BABAM2: variants seen among roughly 807,000 people sequenced by gnomAD.
The protein encoded by BABAM2 is BRISC and BRCA1 A complex member 2.
In BABAM2, 31 loss-of-function variants were observed where a neutral mutation model predicts 54.7. The ratio of observed to expected loss-of-function variants is 0.57; its 90% confidence interval spans 0.43 to 0.77. The LOEUF is 0.77. Ranked by LOEUF, BABAM2 falls within the 30% of genes least tolerant of loss-of-function variation. BABAM2 has a pLI of 0.00. For synonymous variants in BABAM2, 167 were observed against 162.9 expected, an observed-to-expected ratio of 1.03 and a Z score of -0.19; for missense variants, 364 against 455.8, an observed-to-expected ratio of 0.80 and a Z score of 1.83.
intron 6 of BABAM2, among the ~76,000 whole-genome samples, chr2:28,101,842 TC>T (rs77252308): frequency 0.33 from 49,891 of 151,988 alleles, 8,479 homozygotes; most frequent in South Asian, 0.52. Flanking sequence ...GGCAGTTCAA[TC>T]CCCTTGTAAG....
chr2:28,168,160 G>C (rs76920234), intron 7 of BABAM2, among the ~76,000 whole-genome samples: 9 of 152,166 alleles, frequency 5.9e-5, no homozygotes, highest in Admixed American at 1.3e-4. Context: ...TGGTCTAGAC[G>C]TAGAAGCTGC....
chr2:28,331,512 G>T (rs1301771382), intron 11 of BABAM2, among the ~76,000 whole-genome samples: 1 of 152,186 alleles, frequency 6.6e-6, no homozygotes, highest in Admixed American at 6.5e-5. Context: ...CAAAGGACAT[G>T]AACAGACACT....
At chr2:28,078,395 C>T (rs139417496) in intron 6 of BABAM2, among the ~76,000 whole-genome samples, 204 of 151,636 alleles carry the variant, frequency 1.3e-3, no homozygotes, top group African/African-American at 4.9e-3. Flanking sequence ...CCACACAAGC[C>T]GTAAAGTGCT....
intron 7 of BABAM2, among the ~76,000 whole-genome samples, chr2:28,139,340 A>AAG (rs1558376189): frequency 9.3e-5 from 12 of 129,460 alleles, no homozygotes; most frequent in Admixed American, 1.7e-4. Context: ...AAAAAAAAAA[A>AAG]AAAAAGAAAA....
At chr2:27,917,470 T>C (rs1168672926) in intron 2 of BABAM2, among the ~76,000 whole-genome samples, 2 of 152,166 alleles carry the variant, frequency 1.3e-5, no homozygotes. Context: ...AGATTGTGTC[T>C]GGTGAGGGCC....
intron 5 of BABAM2, among the ~76,000 whole-genome samples, chr2:28,026,967 TATAAATATATAA>T (rs1675890319): frequency 1.2e-5 from 1 of 83,670 alleles, no homozygotes; most frequent in African/African-American, 6.2e-5. Flanking sequence ...TAAATATATA[TATAAATATATAA>T]ATATATATAA....
At chr2:27,978,003 T>G (rs1209899464) in intron 3 of BABAM2, among the ~76,000 whole-genome samples, 6 of 152,200 alleles carry the variant, frequency 3.9e-5, no homozygotes, top group African/African-American at 7.2e-5. Flanking sequence ...AGCTAACTCT[T>G]GGAAATGAGT....
chr2:28,258,972 T>A (rs1415571190), intron 10 of BABAM2, among the ~76,000 whole-genome samples: 1 of 146,830 alleles, frequency 6.8e-6, no homozygotes, highest in Non-Finnish European at 1.5e-5. Flanking sequence ...AGACAGGGTT[T>A]CACCATGTTG....
intron 10 of BABAM2, among the ~76,000 whole-genome samples, chr2:28,276,830 G>A (rs765545730): frequency 2.6e-5 from 4 of 152,228 alleles, no homozygotes; most frequent in African/African-American, 4.8e-5. Flanking sequence ...TTAGGGGTTA[G>A]AAGGAATAAA....
intron 7 of BABAM2, among the ~76,000 whole-genome samples, chr2:28,197,472 A>G (rs962375046): frequency 1.9e-4 from 29 of 152,208 alleles, no homozygotes; most frequent in Admixed American, 3.9e-4. Context: ...AACACTTGCT[A>G]AAAAATGGGC....
At chr2:27,895,317 C>G (rs892069865) in intron 2 of BABAM2, among the ~76,000 whole-genome samples, 4 of 152,170 alleles carry the variant, frequency 2.6e-5, no homozygotes, top group Admixed American at 6.5e-5. Flanking sequence ...ATCATCATGT[C>G]TCCTTAGTCT....
chr2:28,183,912 A>G (rs966162935), intron 7 of BABAM2, among the ~76,000 whole-genome samples: 1 of 152,176 alleles, frequency 6.6e-6, no homozygotes, highest in African/African-American at 2.4e-5. Context: ...TCCTTTGGGT[A>G]GACCTAGCAT....
At chr2:28,119,748 A>G (rs1050063819) in intron 6 of BABAM2, among the ~76,000 whole-genome samples, 3 of 152,130 alleles carry the variant, frequency 2.0e-5, no homozygotes, top group African/African-American at 7.2e-5. Flanking sequence ...AACTTACCCT[A>G]TTCTGTATTG....
chr2:28,195,118 A>G (rs1040112454), intron 7 of BABAM2, among the ~76,000 whole-genome samples: 2 of 152,110 alleles, frequency 1.3e-5, no homozygotes, highest in Non-Finnish European at 2.9e-5. Flanking sequence ...TTTTTTTTTC[A>G]CAGTAAGATA....
intron 7 of BABAM2, among the ~76,000 whole-genome samples, chr2:28,173,396 C>G (rs1674573866): frequency 2.6e-5 from 4 of 152,208 alleles, no homozygotes; most frequent in Non-Finnish European, 5.9e-5. Flanking sequence ...CAGCTCAGGA[C>G]CAGGTAGGCT....
chr2:28,247,351 T>A (rs1171429957), intron 10 of BABAM2, among the ~76,000 whole-genome samples: 1 of 152,212 alleles, frequency 6.6e-6, no homozygotes, highest in Admixed American at 6.5e-5. Flanking sequence ...TTTTCTTATC[T>A]AAAATATAGG....
At chr2:28,084,181 G>A (rs1237817788) in intron 6 of BABAM2, among the ~76,000 whole-genome samples, 4 of 152,126 alleles carry the variant, frequency 2.6e-5, no homozygotes, top group Non-Finnish European at 5.9e-5. Context: ...CTTGTACTAA[G>A]GACTTGGAGA....
intron 3 of BABAM2, among the ~76,000 whole-genome samples, chr2:27,987,595 G>T (rs987968138): frequency 2.0e-5 from 3 of 151,846 alleles, no homozygotes; most frequent in Non-Finnish European, 2.9e-5. Flanking sequence ...TGGGTTGATC[G>T]CTTGAGCTCA....
At chr2:28,281,156 G>T (rs1290870956) in intron 10 of BABAM2, among the ~76,000 whole-genome samples, 3 of 152,108 alleles carry the variant, frequency 2.0e-5, no homozygotes, top group African/African-American at 7.2e-5. Context: ...AGAAGGAAAG[G>T]CTACCTAGGC....
Sources: gnomAD v4.1 joint callset for allele counts (sites outside exome capture counted in the v4.1 genomes callset) on GRCh38, gnomAD v4.1.1 for gene constraint, MANE v1.5 for transcripts, NCBI Gene and HGNC (gene_info 2026-07-23, HGNC 2026-07-21) for gene names.